The following RGS18 variants were observed in gnomAD, a reference collection of about 807,000 sequenced individuals.
RGS18 encodes regulator of G protein signaling 18.
RGS18 carries 22 observed loss-of-function variants against 27.6 expected under a neutral mutation model. The ratio of observed to expected loss-of-function variants is 0.80; its 90% CI spans 0.57 to 1.14. The LOEUF is 1.14. Among genes scored for constraint, RGS18 ranks in the 50% most tolerant of loss-of-function variants. The probability of loss-of-function intolerance (pLI) is 0.00; values close to 1 mark genes in which losing one functional copy is unlikely to be tolerated. For synonymous variants in RGS18, 89 were observed against 84.6 expected (o/e 1.05, Z -0.29); for missense variants, 299 against 269.6 (o/e 1.11, Z -0.76).
chr1:192,182,528 C>T (rs1571395253), intron 4 of RGS18, among the ~76,000 whole-genome samples: 4 of 151,408 alleles, frequency 2.6e-5, no homozygotes, highest in African/African-American at 7.3e-5. Flanking sequence ...GATAATCTGT[C>T]TTTATCAAAT....
chr1:192,172,096 A>T (rs1377951766), intron 3 of RGS18, among the ~76,000 whole-genome samples: 1 of 152,006 alleles, frequency 6.6e-6, no homozygotes, highest in Non-Finnish European at 1.5e-5. Flanking sequence ...CTGGCTGCAA[A>T]CTGAGGTTCA....
intron 3 of RGS18, among the ~76,000 whole-genome samples, chr1:192,174,707 T>G (rs1252367674): frequency 6.6e-6 from 1 of 151,910 alleles, no homozygotes; most frequent in African/African-American, 2.4e-5. Flanking sequence ...TGTGAAGATT[T>G]TTTTGTTCAG....
chr1:192,164,709 C>T (rs897933491), intron 3 of RGS18, among the ~76,000 whole-genome samples: 1 of 152,122 alleles, frequency 6.6e-6, no homozygotes, highest in Admixed American at 6.5e-5. Context: ...AAAGAAGGGA[C>T]CAGCTGAAGC....
chr1:192,166,547 T>C (rs1656165944), intron 3 of RGS18, among the ~76,000 whole-genome samples: 1 of 151,990 alleles, frequency 6.6e-6, no homozygotes. Context: ...ACAAAGTTGT[T>C]ATATAAAAGC....
In RGS18 at chr1:192,159,294, G is replaced by C. The variant is rs1656029357; in HGVS notation, c.194G>C (p.Arg65Thr). The C allele has an allele frequency of 6.2e-7, 1 of 1,613,154 alleles. No homozygotes were observed. Among genetic ancestry groups the C allele is most frequent in the Non-Finnish European group, 8.5e-7 (1 of 1,179,170 alleles). ...PEFHEDTRSS[R>T]SGHLAKETRV... ...TTTCATGAAGACACCCGCTCCAGTA[G>C]ATCTGGGCACTTGGCCAAAGAAACA... is the stretch of plus-strand genomic sequence containing the variant. Residue 65 changes from arginine (R) to threonine (T), a missense_variant, in exon 2 of 5, where the codon AGA becomes ACA. Arg to Thr is a moderately conservative substitution (Grantham distance 71, BLOSUM62 -1). Transcript: ENST00000367460.
intron 3 of RGS18, among the ~76,000 whole-genome samples, chr1:192,165,635 G>A (rs936031334): frequency 2.6e-5 from 4 of 152,162 alleles, no homozygotes; most frequent in African/African-American, 9.7e-5. Flanking sequence ...AAATAGAAAA[G>A]AACCTATGTT....
chr1:192,180,495 A>G (rs963713154), intron 3 of RGS18, among the ~76,000 whole-genome samples: 1 of 151,640 alleles, frequency 6.6e-6, no homozygotes, highest in Non-Finnish European at 1.5e-5. Context: ...GGCAAGACAA[A>G]AAGTGAAAAA....
chr1:192,162,444 G>A (rs1307541664), intron 3 of RGS18, among the ~76,000 whole-genome samples: 1 of 152,028 alleles, frequency 6.6e-6, no homozygotes, highest in Non-Finnish European at 1.5e-5. Flanking sequence ...GAGTAGCTGG[G>A]ATTACAGACA....
In RGS18 at chr1:192,162,376, T is replaced by G. The variant is rs1045611843; in HGVS notation, c.283+1937T>G. Among the ~76,000 whole-genome samples the G allele has an allele frequency of 2.0e-5, 3 of 152,158 alleles. No individual in the cohort carries two copies. In the East Asian group the frequency reaches 5.8e-4, roughly 29 times the overall value. On this transcript the variant is annotated intron_variant, in intron 3 of 4. Coordinates refer to ENST00000367460, the MANE Select transcript of RGS18 (RefSeq NM_130782.3). Reference sequence around the variant, plus strand: ...TAGGCTGGAGTGCACTGGCACAATCTCAGCTCATTGCAACCTCCACCTCTT... The same window carrying G: ...TAGGCTGGAGTGCACTGGCACAATCGCAGCTCATTGCAACCTCCACCTCTT...
chr1:192,181,505 T>C, intron 4 of RGS18, 47 bp downstream of exon 4: 1 of 1,237,384 alleles, frequency 8.1e-7, no homozygotes, highest in East Asian at 2.8e-5. Context: ...TTCAAAATTT[T>C]TTAATAATTT....
chr1:192,184,664 G>T lies in RGS18; in HGVS notation c.*110G>T. 9.5e-7 allele frequency: 1 copy of T among 1,053,450 alleles called. No homozygotes were observed. The allele number at this position is 1,053,450 out of a possible 1,614,324, so 65.3% of individuals were successfully genotyped here. A position where few individuals can be genotyped will look rare whatever the true frequency, so the allele number is the denominator to read the frequency against. On this transcript the variant is annotated 3_prime_UTR_variant, in exon 5 of 5. Coordinates refer to ENST00000367460, the MANE Select transcript of RGS18 (RefSeq NM_130782.3). ...TCCTTTAAACTGAAATATGTCATGT[G>T]AAATTATTTTAAAAATGTAAAAACA...
intron 3 of RGS18, among the ~76,000 whole-genome samples, chr1:192,164,723 G>A (rs1458207760): frequency 1.3e-5 from 2 of 152,122 alleles, no homozygotes; most frequent in Admixed American, 6.5e-5. Flanking sequence ...CTGAAGCTAT[G>A]GCAGAAGAAT....
Position 192,158,630 on chromosome 1 carries a change from G to T in RGS18, c.-8G>T. On this transcript the variant is annotated 5_prime_UTR_variant, in exon 1 of 5. Coordinates refer to ENST00000367460, the MANE Select transcript of RGS18 (RefSeq NM_130782.3). Reference sequence around the variant, plus strand: ...ATAAATTAGACATCTCTTCATTTTAGAGAGAAGATGGAAACAACATTGCTT... The same window carrying T: ...ATAAATTAGACATCTCTTCATTTTATAGAGAAGATGGAAACAACATTGCTT... 6.5e-7 allele frequency: 1 copy of T among 1,542,350 alleles called. No individual in the cohort carries two copies. The highest frequency in any genetic ancestry group is 1.3e-5 in the South Asian group (1 of 76,534).
At chr1:192,180,392 A>G (rs1436957047) in intron 3 of RGS18, among the ~76,000 whole-genome samples, 1 of 151,586 alleles carries the variant, frequency 6.6e-6, no homozygotes, top group African/African-American at 2.4e-5. Flanking sequence ...AAGAAAAGGT[A>G]ATATGCTCAG....
chr1:192,160,393 G>C lies in RGS18; in HGVS notation c.237G>C (p.Glu79Asp), dbSNP rs1411770060. 6.2e-7 allele frequency: 1 copy of C among 1,611,910 alleles called. No individual in the cohort carries two copies. Among genetic ancestry groups the C allele is most frequent in the South Asian group, 1.1e-5 (1 of 91,002 alleles). ...LAKETRVSPE[E>D]AVKWGESFDK... ...TCTTGTACAGAGTCTCCCCTGAAGA[G>C]GCAGTGAAATGGGGTGAATCATTTG... is the stretch of plus-strand genomic sequence containing the variant. The change falls in exon 3 of 5, where the codon GAG becomes GAC. Residue 79 changes from glutamate to aspartate, a missense_variant. Coordinates refer to ENST00000367460, the MANE Select transcript of RGS18 (RefSeq NM_130782.3).
At chr1:192,179,361 T>C (rs1490157442) in intron 3 of RGS18, among the ~76,000 whole-genome samples, 1 of 151,638 alleles carries the variant, frequency 6.6e-6, no homozygotes, top group Non-Finnish European at 1.5e-5. Flanking sequence ...TGAGAAAGTT[T>C]ATCTGAAAAA....
At chr1:192,179,224 T>C (rs1477315157) in intron 3 of RGS18, among the ~76,000 whole-genome samples, 1 of 151,556 alleles carries the variant, frequency 6.6e-6, no homozygotes, top group East Asian at 1.9e-4. Flanking sequence ...GGACTCATGA[T>C]ATTTCCTTAT....
chr1:192,162,142 T>C (rs1656084254), intron 3 of RGS18, among the ~76,000 whole-genome samples: 1 of 152,224 alleles, frequency 6.6e-6, no homozygotes. Flanking sequence ...TATATTTCAC[T>C]CTAAGACTAG....
chr1:192,165,016 G>A (rs1178699608), intron 3 of RGS18, among the ~76,000 whole-genome samples: 1 of 152,176 alleles, frequency 6.6e-6, no homozygotes, highest in African/African-American at 2.4e-5. Flanking sequence ...TGGGACCCGG[G>A]CAGGACAGTC....
Sources: gnomAD v4.1 joint callset for allele counts (sites outside exome capture counted in the v4.1 genomes callset) on GRCh38, gnomAD v4.1.1 for gene constraint, MANE v1.5 for transcripts, NCBI Gene and HGNC (gene_info 2026-07-23, HGNC 2026-07-21) for gene names.